Variants in STK31 observed in about 807,000 individuals in gnomAD.
The protein encoded by STK31 is serine/threonine kinase 31, also known as serine/threonine-protein kinase 31.
A neutral mutation model predicts 129.7 loss-of-function variants in STK31; 89 were observed. The ratio of observed to expected loss-of-function variants is 0.69; its 90% CI spans 0.58 to 0.82. The LOEUF (loss-of-function observed/expected upper bound fraction) is 0.82, where lower values mean the gene tolerates loss of function less well. Ranked by LOEUF, STK31 falls within the 40% of genes least tolerant of loss-of-function variation. The probability of loss-of-function intolerance (pLI) is 0.00; values close to 1 mark genes in which losing one functional copy is unlikely to be tolerated. For missense variants in STK31, 1,187 were observed against 1,176.4 expected (o/e 1.01, Z -0.13); for synonymous variants, 448 against 395.3 (o/e 1.13, Z -1.58).
At chr7:23,769,902 G>C in intron 13 of STK31, 146 bp downstream of exon 13, 1 of 513,972 alleles carries the variant, frequency 1.9e-6, no homozygotes, top group Non-Finnish European at 3.4e-6. Context: ...TAGGCTTGTT[G>C]AAAGAGTAAC....
At chr7:23,813,742 G>T (rs1315207813) in intron 22 of STK31, among the ~76,000 whole-genome samples, 1 of 152,132 alleles carries the variant, frequency 6.6e-6, no homozygotes, top group Non-Finnish European at 1.5e-5. Context: ...TGGAGACCCT[G>T]GTCTATGGGA....
At chr7:23,803,546 G>A (rs1336651578) in intron 22 of STK31, among the ~76,000 whole-genome samples, 1 of 152,164 alleles carries the variant, frequency 6.6e-6, no homozygotes, top group African/African-American at 2.4e-5. Flanking sequence ...CAATTCAAGT[G>A]TTGTGGGTTA....
chr7:23,748,672 A>G (rs936212143), intron 8 of STK31, among the ~76,000 whole-genome samples: 1 of 152,212 alleles, frequency 6.6e-6, no homozygotes, highest in Non-Finnish European at 1.5e-5. Flanking sequence ...CATTTAATGA[A>G]TAGTAAATAT....
At chr7:23,785,207 G>C (rs1216334653) in intron 17 of STK31, among the ~76,000 whole-genome samples, 1 of 152,080 alleles carries the variant, frequency 6.6e-6, no homozygotes, top group Non-Finnish European at 1.5e-5. Context: ...AGGGATCCTA[G>C]GATGCATGTC....
At chr7:23,827,855 T>A (rs1441048069) in intron 23 of STK31, among the ~76,000 whole-genome samples, 1 of 152,134 alleles carries the variant, frequency 6.6e-6, no homozygotes, top group African/African-American at 2.4e-5. Context: ...TTACTGGAGG[T>A]CCACTCCAGA....
intron 22 of STK31, among the ~76,000 whole-genome samples, chr7:23,797,125 G>C (rs948937196): frequency 6.6e-6 from 1 of 152,140 alleles, no homozygotes; most frequent in Non-Finnish European, 1.5e-5. Flanking sequence ...CAAGATCTTA[G>C]AGACCTACAA....
At chr7:23,757,515 G>A (rs888103874) in intron 10 of STK31, among the ~76,000 whole-genome samples, 28 of 152,124 alleles carry the variant, frequency 1.8e-4, no homozygotes, top group Non-Finnish European at 3.4e-4. Flanking sequence ...GTTAGAAAAT[G>A]TGCTGTGCTT....
intron 3 of STK31, 104 bp downstream of exon 3, chr7:23,712,390 A>G (rs1407705549): frequency 9.6e-7 from 1 of 1,040,038 alleles, no homozygotes; most frequent in African/African-American, 1.6e-5. Context: ...TGTCATTCTC[A>G]TTGCCTAATA....
chr7:23,831,183 A>G (rs1562642621), intron 23 of STK31, among the ~76,000 whole-genome samples: 1 of 152,028 alleles, frequency 6.6e-6, no homozygotes. Flanking sequence ...GTTTTTTTAA[A>G]ATTAATTTTC....
chr7:23,799,845 A>G (rs1792250814), intron 22 of STK31, among the ~76,000 whole-genome samples: 1 of 152,238 alleles, frequency 6.6e-6, no homozygotes, highest in Non-Finnish European at 1.5e-5. Context: ...CCCATCTGAC[A>G]AAGGTCTAGT....
chr7:23,717,640 A>C, intron 4 of STK31, 61 bp downstream of exon 4: 2 of 1,367,346 alleles, frequency 1.5e-6, no homozygotes, highest in South Asian at 2.6e-5. Flanking sequence ...TGTGTCTTAG[A>C]TATTTAGTTT....
intron 3 of STK31, among the ~76,000 whole-genome samples, chr7:23,714,014 C>T (rs1285820721): frequency 6.6e-6 from 1 of 152,110 alleles, no homozygotes; most frequent in Admixed American, 6.6e-5. Context: ...GTGAGTAATG[C>T]ATTGTTCTAT....
At chr7:23,772,837 TC>T (rs1790286600) in intron 15 of STK31, among the ~76,000 whole-genome samples, 2 of 152,174 alleles carry the variant, frequency 1.3e-5, no homozygotes, top group African/African-American at 2.4e-5. Flanking sequence ...AACTTTGTGT[TC>T]CTTTGAGGAT....
intron 3 of STK31, 60 bp downstream of exon 3, chr7:23,712,346 A>G: frequency 6.6e-7 from 1 of 1,504,250 alleles, no homozygotes; most frequent in Non-Finnish European, 9.2e-7. Context: ...CCTCCCCAAC[A>G]AAAACAAAAA....
At chr7:23,831,878 C>T (rs1157564775) in intron 23 of STK31, among the ~76,000 whole-genome samples, 1 of 152,112 alleles carries the variant, frequency 6.6e-6, no homozygotes, top group Admixed American at 6.5e-5. Flanking sequence ...TCAGGTGATT[C>T]CCCCCACCAC....
chr7:23,802,193 T>G, intron 22 of STK31, among the ~76,000 whole-genome samples: 1 of 152,110 alleles, frequency 6.6e-6, no homozygotes, highest in South Asian at 2.1e-4. Context: ...GGGTTTATAT[T>G]GGAGAAGGGA....
At chr7:23,728,233 C>T (rs6975244) in intron 5 of STK31, among the ~76,000 whole-genome samples, 37,946 of 151,504 alleles carry the variant, frequency 0.25, 5,082 homozygotes, top group East Asian at 0.39. Flanking sequence ...GTTTTTTCTA[C>T]ACCTCCTTTC....
At chr7:23,741,032 A>G (rs1788026577) in intron 8 of STK31, among the ~76,000 whole-genome samples, 2 of 152,216 alleles carry the variant, frequency 1.3e-5, no homozygotes, top group South Asian at 2.1e-4. Flanking sequence ...AAGTATTATT[A>G]TGAACTAATG....
intron 8 of STK31, among the ~76,000 whole-genome samples, chr7:23,746,240 C>G (rs1788345463): frequency 1.3e-5 from 2 of 151,958 alleles, no homozygotes; most frequent in Admixed American, 1.3e-4. Flanking sequence ...GGGCAGCTCT[C>G]TGTGTCTCAG....
Sources: allele counts gnomAD v4.1 joint callset (sites outside exome capture counted in the v4.1 genomes callset), GRCh38; gene constraint gnomAD v4.1.1; transcripts MANE v1.5; gene names NCBI Gene and HGNC (gene_info 2026-07-23, HGNC 2026-07-21).